Variants in SPAM1 observed in about 807,000 individuals in gnomAD.
SPAM1 encodes hyaluronidase PH-20.
SPAM1 carries 22 observed loss-of-function variants against 29.6 expected under a neutral mutation model. The ratio of observed to expected loss-of-function variants is 0.74; its 90% CI spans 0.53 to 1.06. The LOEUF (loss-of-function observed/expected upper bound fraction) is 1.06. Ranked by LOEUF, SPAM1 falls within the 50% of genes least tolerant of loss-of-function variation. The probability of loss-of-function intolerance (pLI) is 0.00; values close to 1 mark genes in which losing one functional copy is unlikely to be tolerated. For synonymous variants in SPAM1, 194 were observed against 204.6 expected (o/e 0.95, Z 0.44); for missense variants, 534 against 604.0 (o/e 0.88, Z 1.21).
intron 5 of SPAM1, among the ~76,000 whole-genome samples, chr7:123,968,932 C>G (rs896435593): frequency 2.0e-5 from 3 of 151,982 alleles, no homozygotes; most frequent in Non-Finnish European, 4.4e-5. Flanking sequence ...TTTTTGATTA[C>G]TTGCTCTGGG....
At chr7:123,969,574 C>A (rs917863488) in intron 5 of SPAM1, among the ~76,000 whole-genome samples, 3 of 151,960 alleles carry the variant, frequency 2.0e-5, no homozygotes, top group Non-Finnish European at 4.4e-5. Flanking sequence ...TTCTTGGCAC[C>A]TTTGTCAAAA....
At chr7:123,968,765 G>A (rs1472136162) in intron 5 of SPAM1, among the ~76,000 whole-genome samples, 1 of 152,036 alleles carries the variant, frequency 6.6e-6, no homozygotes, top group Non-Finnish European at 1.5e-5. Flanking sequence ...TTCATTGGCT[G>A]TGTAAGCTTG....
intron 2 of SPAM1, among the ~76,000 whole-genome samples, chr7:123,951,679 T>C (rs1264511784): frequency 1.3e-5 from 2 of 152,144 alleles, no homozygotes; most frequent in Non-Finnish European, 1.5e-5. Context: ...TGAAGTACAG[T>C]GGTGCTATCT....
Position 123,953,437 on chromosome 7 carries a change from T to A in SPAM1, c.-134T>A. The A allele has an allele frequency of 1.9e-6, 1 of 518,426 alleles. No individual in the cohort carries two copies. The highest frequency in any genetic ancestry group is 3.7e-5 in the South Asian group (1 of 26,814). The allele number at this position is 518,426 out of a possible 1,614,324, so 32.1% of individuals were successfully genotyped here. A position where few individuals can be genotyped will look rare whatever the true frequency, so the allele number is the denominator to read the frequency against. On this transcript the variant is annotated 5_prime_UTR_variant, in exon 3 of 5. Coordinates refer to ENST00000682466, the MANE Select transcript of SPAM1 (RefSeq NM_153189.3). ...ATAATAATATTTAAATGTAACTTAA[T>A]CATTATACCTCTTTATCCATCAAAG...
intron 3 of SPAM1, 43 bp downstream of exon 3, chr7:123,954,567 A>C (rs1189340524): frequency 3.1e-6 from 4 of 1,277,488 alleles, no homozygotes; most frequent in Non-Finnish European, 3.2e-6. Flanking sequence ...GAAATTCACA[A>C]AAGATGTTGA....
intron 1 of SPAM1, among the ~76,000 whole-genome samples, chr7:123,948,719 A>G (rs1584955736): frequency 1.3e-5 from 2 of 152,048 alleles, no homozygotes; most frequent in East Asian, 3.9e-4. Context: ...AATATTTATG[A>G]TAATAATTTA....
chr7:123,969,884 G>A (rs991269463), intron 5 of SPAM1, among the ~76,000 whole-genome samples: 1 of 151,560 alleles, frequency 6.6e-6, no homozygotes, highest in African/African-American at 2.4e-5. Flanking sequence ...AGATTGTTTT[G>A]GATAGTATAT....
At chr7:123,945,219 C>G (rs981411322) in intron 1 of SPAM1, among the ~76,000 whole-genome samples, 1 of 152,082 alleles carries the variant, frequency 6.6e-6, no homozygotes, top group African/African-American at 2.4e-5. Flanking sequence ...CCAGGTTACT[C>G]TTACCTTGTT....
intron 1 of SPAM1, among the ~76,000 whole-genome samples, chr7:123,929,140 G>A (rs1807988473): frequency 6.6e-6 from 1 of 152,134 alleles, no homozygotes; most frequent in Admixed American, 6.5e-5. Context: ...GGGGCTTTGA[G>A]GTTAATGCAG....
At chr7:123,964,680 G>A (rs1433538534), downstream of SPAM1, among the ~76,000 whole-genome samples, 1 of 150,488 alleles carries the variant, frequency 6.6e-6, no homozygotes, top group Non-Finnish European at 1.5e-5. Context: ...GTGACCACAA[G>A]TGTGACCCAC....
intron 2 of SPAM1, among the ~76,000 whole-genome samples, chr7:123,951,554 CT>C (rs1563028175): frequency 6.6e-6 from 1 of 152,118 alleles, no homozygotes; most frequent in East Asian, 1.9e-4. Flanking sequence ...AGTGTCCATT[CT>C]TTTTTGAAGA....
chr7:123,936,281 A>G (rs1808242319), intron 1 of SPAM1, among the ~76,000 whole-genome samples: 2 of 152,146 alleles, frequency 1.3e-5, no homozygotes, highest in Non-Finnish European at 2.9e-5. Flanking sequence ...TGAGGTTTTT[A>G]AGGGGATTGT....
chr7:123,953,952 A>C lies in SPAM1; in HGVS notation c.382A>C (p.Lys128Gln). ...CTTACAAGACCATCTGGACAAAGCT[A>C]AGAAAGACATTACATTTTATATGCC... The part of the protein sequence containing the change: ...ISLQDHLDKA[K>Q]KDITFYMPVD... Residue 128 changes from lysine to glutamine, a missense_variant, in exon 3 of 5, where the codon AAG (lysine) becomes CAG (glutamine). Coordinates refer to ENST00000682466, the MANE Select transcript of SPAM1 (RefSeq NM_153189.3). The C allele has an allele frequency of 6.2e-7, 1 of 1,613,804 alleles. No homozygotes were observed. The highest frequency in any genetic ancestry group is 8.5e-7 in the Non-Finnish European group (1 of 1,179,830).
downstream of SPAM1, among the ~76,000 whole-genome samples, chr7:123,963,912 G>A (rs904298469): frequency 2.0e-5 from 3 of 151,912 alleles, no homozygotes; most frequent in African/African-American, 7.2e-5. Context: ...CTTGTTATAA[G>A]AATGGTAGGT....
intron 5 of SPAM1, among the ~76,000 whole-genome samples, chr7:123,969,900 A>G (rs1403626126): frequency 6.6e-6 from 1 of 151,948 alleles, no homozygotes; most frequent in African/African-American, 2.4e-5. Flanking sequence ...TATATCTAAT[A>G]GCTTTGATGT....
At chr7:123,948,379 A>G (rs552188839) in intron 1 of SPAM1, among the ~76,000 whole-genome samples, 13 of 152,164 alleles carry the variant, frequency 8.5e-5, no homozygotes, top group Admixed American at 5.2e-4. Context: ...AGGGCAATCA[A>G]CTTGGGGCCT....
At chr7:123,941,260 C>G (rs1482712028) in intron 1 of SPAM1, among the ~76,000 whole-genome samples, 3 of 152,170 alleles carry the variant, frequency 2.0e-5, no homozygotes, top group Admixed American at 6.5e-5. Flanking sequence ...GTGACACAGC[C>G]TCAGGAGGTC....
At position 123,959,509 on chromosome 7, in the gene SPAM1, A is replaced by C. The variant is rs745848295; in HGVS notation, c.1070A>C (p.Tyr357Ser). The C allele has an allele frequency of 1.2e-6, 2 of 1,607,396 alleles. No individual in the cohort carries two copies. The highest frequency in any genetic ancestry group is 1.7e-6 in the Non-Finnish European group (2 of 1,176,620). Residue 357 changes from tyrosine to serine, a missense_variant, in exon 5 of 5, where the codon TAC becomes TCC. Coordinates refer to ENST00000682466, the MANE Select transcript of SPAM1 (RefSeq NM_153189.3). ...SMKSCLLLDN[Y>S]METILNPYII... is the part of the protein sequence containing the mutation. ...AAATCTTGCTTGCTCCTAGACAATT[A>C]CATGGAGACTATACTGAATCCTTAC...
rs376690940 is a variant in SPAM1 at position 123,970,608 on chromosome 7, A to AATAATAATAATTATT, written c.*48+314_*48+315insAATAATAATTATTAT. Among the ~76,000 whole-genome samples the AATAATAATAATTATT allele has an allele frequency of 4.3e-3, 640 of 147,260 alleles. 2 individuals carry two copies. Among genetic ancestry groups the AATAATAATAATTATT allele is most frequent in the South Asian group, 9.0e-3 (42 of 4,646 alleles). On this transcript the variant is annotated intron_variant, in intron 6 of 6. Coordinates refer to the SPAM1 transcript ENST00000340011. The stretch of plus-strand genomic sequence containing the variant: ...CATCTCTACAAATAATAATAATAAT[A>AATAATAATAATTATT]ATTATTATTATTATTATAGTAAGGC...
Sources: gnomAD v4.1 joint callset for allele counts (sites outside exome capture counted in the v4.1 genomes callset) on GRCh38, gnomAD v4.1.1 for gene constraint, MANE v1.5 for transcripts, NCBI Gene and HGNC (gene_info 2026-07-23, HGNC 2026-07-21) for gene names.